Variants in VMP1 observed in about 807,000 individuals in gnomAD.
VMP1 encodes ectopic P-granules autophagy protein 3 homolog.
In VMP1, 11 loss-of-function variants were observed where a neutral mutation model predicts 56.0. The ratio of observed to expected loss-of-function variants is 0.20; its 90% confidence interval spans 0.12 to 0.32. The LOEUF (loss-of-function observed/expected upper bound fraction) is 0.32. Ranked by LOEUF, VMP1 falls within the 10% of genes least tolerant of loss-of-function variation. VMP1 has a pLI of 1.00. For missense variants in VMP1, 296 were observed against 490.3 expected, an observed-to-expected ratio of 0.60 and a Z score of 3.74; for synonymous variants, 149 against 165.0, an observed-to-expected ratio of 0.90 and a Z score of 0.74.
chr17:59,818,671 G>A (rs926263146), intron 10 of VMP1, among the ~76,000 whole-genome samples: 2 of 152,056 alleles, frequency 1.3e-5, no homozygotes, highest in Non-Finnish European at 2.9e-5. Context: ...GAGGGAGGCG[G>A]AGGTTGCGGT....
chr17:59,810,953 T>C (rs531403013), intron 8 of VMP1, among the ~76,000 whole-genome samples: 44 of 152,336 alleles, frequency 2.9e-4, no homozygotes, highest in African/African-American at 1.0e-3. Flanking sequence ...AATGTGGGAA[T>C]GTTTGGGAAA....
At chr17:59,812,825 G>C (rs2038097404) in intron 9 of VMP1, among the ~76,000 whole-genome samples, 1 of 152,100 alleles carries the variant, frequency 6.6e-6, no homozygotes, top group Non-Finnish European at 1.5e-5. Context: ...CAGCTACTTG[G>C]GAGGCTGACG....
chr17:59,829,645 A>G (rs2144314952), intron 10 of VMP1, among the ~76,000 whole-genome samples: 1 of 152,170 alleles, frequency 6.6e-6, no homozygotes, highest in East Asian at 1.9e-4. Context: ...TTTGACTAAA[A>G]TGTGCACATT....
intron 11 of VMP1, 81 bp from the exon 12 acceptor site, chr17:59,839,687 C>T (rs1222437189): frequency 6.7e-7 from 1 of 1,494,862 alleles, no homozygotes; most frequent in Non-Finnish European, 8.9e-7. Context: ...TTACACACTT[C>T]AAGCATTATA....
rs1418998734 is a variant in VMP1, at chr17:59,740,834, A to C, written c.414+1887A>C. On this transcript the variant is annotated intron_variant, in intron 5 of 11. Coordinates refer to ENST00000262291, the MANE Select transcript of VMP1 (RefSeq NM_030938.5). ...TCATATTCCTTGGGAAAACCAGATT[A>C]AGAAACTCATTTGTAGCATTTAATT... Among the ~76,000 whole-genome samples the C allele has an allele frequency of 2.0e-5, 3 of 152,330 alleles. No individual in the cohort carries two copies. In the East Asian group the frequency reaches 5.8e-4, roughly 29 times the overall value.
At chr17:59,782,989 A>T (rs2036879006) in intron 7 of VMP1, among the ~76,000 whole-genome samples, 1 of 152,240 alleles carries the variant, frequency 6.6e-6, no homozygotes, top group East Asian at 1.9e-4. Flanking sequence ...AGGTCAGGAC[A>T]TCGAGACCAT....
chr17:59,771,164 A>AT (rs2036409525), intron 6 of VMP1, among the ~76,000 whole-genome samples: 1 of 116,788 alleles, frequency 8.6e-6, no homozygotes, highest in Admixed American at 8.1e-5. Flanking sequence ...GTTACATTAC[A>AT]CCTTTTTTTT....
chr17:59,813,174 A>T (rs1598430801), intron 9 of VMP1, among the ~76,000 whole-genome samples: 1 of 152,268 alleles, frequency 6.6e-6, no homozygotes, highest in East Asian at 1.9e-4. Context: ...TCAGAATTTC[A>T]TGATGTTTTT....
chr17:59,746,031 T>C (rs1248129714), intron 5 of VMP1, among the ~76,000 whole-genome samples: 3 of 152,264 alleles, frequency 2.0e-5, no homozygotes, highest in Non-Finnish European at 4.4e-5. Flanking sequence ...TTTGGAAGTA[T>C]CATTTAGTAA....
intron 10 of VMP1, among the ~76,000 whole-genome samples, chr17:59,830,299 G>C (rs1485897622): frequency 2.6e-5 from 4 of 152,174 alleles, no homozygotes; most frequent in Admixed American, 6.5e-5. Flanking sequence ...ATAGGCTCAA[G>C]TGATCCTCCC....
intron 10 of VMP1, among the ~76,000 whole-genome samples, chr17:59,836,201 TTTTTTTTA>T: frequency 6.6e-6 from 1 of 151,378 alleles, no homozygotes; most frequent in East Asian, 1.9e-4. Context: ...TTAAAGAATC[TTTTTTTTA>T]TTTTTTTATT....
chr17:59,723,621 G>A (rs944220495), intron 1 of VMP1, among the ~76,000 whole-genome samples: 13 of 152,094 alleles, frequency 8.5e-5, no homozygotes, highest in Non-Finnish European at 1.6e-4. Flanking sequence ...TGTATATGTC[G>A]GCAACTCTTT....
chr17:59,768,826 CA>C (rs918828837), intron 6 of VMP1, among the ~76,000 whole-genome samples: 12 of 147,376 alleles, frequency 8.1e-5, no homozygotes, highest in African/African-American at 1.7e-4. Flanking sequence ...ACTAAAAATA[CA>C]AAAAAAAAAT....
At chr17:59,820,973 T>TC (rs2038423088) in intron 10 of VMP1, among the ~76,000 whole-genome samples, 1 of 151,004 alleles carries the variant, frequency 6.6e-6, no homozygotes, top group African/African-American at 2.4e-5. Flanking sequence ...TTCTTTTTTT[T>TC]GTTTTTTTTT....
intron 1 of VMP1, among the ~76,000 whole-genome samples, chr17:59,728,560 C>T (rs551596722): frequency 6.6e-5 from 10 of 151,972 alleles, no homozygotes; most frequent in African/African-American, 2.4e-4. Flanking sequence ...TATAGAGACG[C>T]GTGGGTAGTG....
intron 5 of VMP1, among the ~76,000 whole-genome samples, chr17:59,753,582 A>G (rs2035732729): frequency 6.6e-6 from 1 of 152,228 alleles, no homozygotes; most frequent in South Asian, 2.1e-4. Context: ...TCCATGGGCT[A>G]CAATTTACTC....
At chr17:59,839,119 C>G (rs1430982576) in intron 11 of VMP1, 2 of 153,162 alleles carry the variant, frequency 1.3e-5, no homozygotes, top group Admixed American at 6.6e-5. Context: ...CTCAGCCTCC[C>G]AAGTAGCTGT....
intron 7 of VMP1, among the ~76,000 whole-genome samples, chr17:59,791,270 G>T (rs992991995): frequency 2.0e-4 from 30 of 148,492 alleles, no homozygotes; most frequent in African/African-American, 7.0e-4. Context: ...CTGACTGCAA[G>T]CTCCACCTCC....
intron 10 of VMP1, among the ~76,000 whole-genome samples, chr17:59,832,624 C>G (rs993953533): frequency 6.9e-6 from 1 of 145,918 alleles, no homozygotes; most frequent in Non-Finnish European, 1.5e-5. Flanking sequence ...GACAGAGTCT[C>G]GCTCTGTCGC....
Sources: allele counts gnomAD v4.1 joint callset (sites outside exome capture counted in the v4.1 genomes callset), GRCh38; gene constraint gnomAD v4.1.1; transcripts MANE v1.5; gene names NCBI Gene and HGNC (gene_info 2026-07-23, HGNC 2026-07-21).